VPS13C: variants seen among roughly 807,000 people sequenced by gnomAD.
VPS13C encodes vacuolar protein sorting 13 homolog C, also known as intermembrane lipid transfer protein VPS13C.
Under a neutral mutation model 456.8 loss-of-function variants are expected in VPS13C, and 358 were observed. That is an observed-to-expected ratio of 0.78 (90% CI 0.72 to 0.86). The LOEUF (loss-of-function observed/expected upper bound fraction) is 0.86, where lower values mean the gene tolerates loss of function less well. VPS13C is among the 40% of genes least tolerant of loss of function. VPS13C has a pLI of 0.00. For synonymous variants in VPS13C, 1,578 were observed against 1,486.7 expected (o/e 1.06, Z -1.41); for missense variants, 4,818 against 4,385.4 (o/e 1.10, Z -2.79).
At chr15:61,916,389 T>C (rs7177538) in intron 60 of VPS13C, among the ~76,000 whole-genome samples, 10,516 of 152,228 alleles carry the variant, frequency 0.069, 608 homozygotes, top group East Asian at 0.21. Context: ...CCTCTAATTA[T>C]AGACCATGAC....
Position 61,901,085 on chromosome 15 carries a change from C to T in VPS13C, c.9105+6179G>A, listed in dbSNP as rs946456926. 1.8e-3 allele frequency among the ~76,000 whole-genome samples: 266 copies of T among 151,538 alleles called. 2 individuals carry two copies. The highest frequency in any genetic ancestry group is 6.3e-3 in the African/African-American group (261 of 41,386). ...TAGAAAGCTGAAACTGGATCCCTTC[C>T]TTACACCTTATACAAAAATCAATTC... On this transcript the variant is annotated intron_variant, in intron 66 of 84. Transcript: ENST00000644861.
At chr15:61,914,108 C>T (rs2043387291) in intron 61 of VPS13C, among the ~76,000 whole-genome samples, 1 of 152,120 alleles carries the variant, frequency 6.6e-6, no homozygotes, top group Admixed American at 6.5e-5. Context: ...AACTTGAGGA[C>T]AACTAGAGGT....
chr15:61,957,725 T>C (rs1444635437), intron 37 of VPS13C, among the ~76,000 whole-genome samples: 2 of 152,124 alleles, frequency 1.3e-5, no homozygotes, highest in South Asian at 4.1e-4. Flanking sequence ...TATAGAAATA[T>C]ACATACTTGT....
intron 82 of VPS13C, among the ~76,000 whole-genome samples, chr15:61,861,364 C>T (rs147551884): frequency 6.6e-6 from 1 of 152,224 alleles, no homozygotes; most frequent in African/African-American, 2.4e-5. Flanking sequence ...TTTACTGGAA[C>T]ACAGCTATGT....
intron 73 of VPS13C, among the ~76,000 whole-genome samples, 182 bp downstream of exon 73, chr15:61,880,427 T>C (rs1166176014): frequency 6.6e-6 from 1 of 152,116 alleles, no homozygotes; most frequent in East Asian, 1.9e-4. Context: ...CTCTGGTGGT[T>C]TCTCTGTGGG....
At chr15:62,051,252 G>A (rs374857435) in intron 1 of VPS13C, among the ~76,000 whole-genome samples, 3 of 152,148 alleles carry the variant, frequency 2.0e-5, no homozygotes, top group East Asian at 1.9e-4. Flanking sequence ...GTAGGTACTC[G>A]ATAAATACTG....
At chr15:62,052,349 T>C (rs1373567790) in intron 1 of VPS13C, among the ~76,000 whole-genome samples, 10 of 152,076 alleles carry the variant, frequency 6.6e-5, no homozygotes. Flanking sequence ...AAGCAAAGCA[T>C]GAATCAAATT....
chr15:61,997,057 A>C (rs1194095962), intron 16 of VPS13C, among the ~76,000 whole-genome samples: 2 of 151,792 alleles, frequency 1.3e-5, no homozygotes, highest in Admixed American at 1.3e-4. Context: ...AGAGTGCAAA[A>C]GAAGAGAATA....
intron 66 of VPS13C, among the ~76,000 whole-genome samples, chr15:61,893,016 G>A (rs2042697597): frequency 6.6e-6 from 1 of 152,150 alleles, no homozygotes. Flanking sequence ...AAATCTAAGA[G>A]TCACTGGTGG....
intron 9 of VPS13C, among the ~76,000 whole-genome samples, chr15:62,015,708 T>C (rs2047213558): frequency 7.9e-6 from 1 of 127,350 alleles, no homozygotes; most frequent in Non-Finnish European, 1.6e-5. Context: ...TTCTCACTCA[T>C]AGGTGGGAAT....
intron 47 of VPS13C, among the ~76,000 whole-genome samples, chr15:61,939,304 G>C (rs986988622): frequency 1.3e-5 from 2 of 152,092 alleles, no homozygotes; most frequent in African/African-American, 4.8e-5. Context: ...CCATACTCTG[G>C]AATAAAGGCT....
intron 81 of VPS13C, chr15:61,866,850 T>G (rs1280803980): frequency 1.0e-5 from 10 of 975,036 alleles, no homozygotes; most frequent in Non-Finnish European, 1.2e-5. Flanking sequence ...AACTGAACAA[T>G]TATATGTTAA....
chr15:62,008,342 G>A (rs184316448), intron 14 of VPS13C, among the ~76,000 whole-genome samples: 30 of 152,052 alleles, frequency 2.0e-4, no homozygotes, highest in African/African-American at 6.5e-4. Context: ...ACAAGTTGCA[G>A]TGAGCCAAGA....
At chr15:61,878,829 C>T (rs1895650593) in intron 73 of VPS13C, 83 bp from the exon 74 acceptor site, 4 of 1,425,722 alleles carry the variant, frequency 2.8e-6, no homozygotes, top group South Asian at 1.5e-5. Flanking sequence ...CAGAAACAAA[C>T]CAAAAAAAGT....
chr15:61,910,369 C>G (rs1443074786), intron 63 of VPS13C, 64 bp from the exon 64 acceptor site: 3 of 1,238,172 alleles, frequency 2.4e-6, no homozygotes, highest in Non-Finnish European at 3.1e-6. Flanking sequence ...TAAGACATTA[C>G]CTAATTAAAT....
intron 9 of VPS13C, among the ~76,000 whole-genome samples, chr15:62,019,798 T>C (rs987356456): frequency 1.3e-5 from 2 of 152,022 alleles, no homozygotes; most frequent in African/African-American, 2.4e-5. Flanking sequence ...TAGATGTCTA[T>C]TGGGTCTGCT....
intron 80 of VPS13C, 57 bp downstream of exon 80, chr15:61,869,443 T>G: frequency 6.3e-7 from 1 of 1,580,752 alleles, no homozygotes; most frequent in African/African-American, 1.3e-5. Flanking sequence ...ATTTATGTAT[T>G]CCTTGTAATA....
At chr15:61,901,573 C>T (rs1406616472) in intron 66 of VPS13C, among the ~76,000 whole-genome samples, 1 of 152,192 alleles carries the variant, frequency 6.6e-6, no homozygotes, top group East Asian at 1.9e-4. Context: ...TACCATCTCA[C>T]ACCAGTTAGA....
At chr15:61,953,103 A>G (rs1319563252) in intron 38 of VPS13C, among the ~76,000 whole-genome samples, 2 of 152,074 alleles carry the variant, frequency 1.3e-5, no homozygotes. Context: ...CGGATCTTAG[A>G]GGAAGTCCTT....
Sources: gnomAD v4.1 joint callset for allele counts (sites outside exome capture counted in the v4.1 genomes callset) on GRCh38, gnomAD v4.1.1 for gene constraint, MANE v1.5 for transcripts, NCBI Gene and HGNC (gene_info 2026-07-23, HGNC 2026-07-21) for gene names.